The following CUX2 variants were observed in gnomAD, a reference collection of about 807,000 sequenced individuals.
CUX2 encodes the protein cut like homeobox 2, also known as homeobox protein cut-like 2.
CUX2 carries 40 observed loss-of-function variants against 144.8 expected under a neutral mutation model. That is an observed-to-expected ratio of 0.28 (90% CI 0.21 to 0.36). The LOEUF (loss-of-function observed/expected upper bound fraction) is 0.36. CUX2 is among the 10% of genes least tolerant of loss of function. The pLI, the probability that CUX2 is intolerant of heterozygous loss-of-function variation, is 1.00. For missense variants in CUX2, 1,615 were observed against 1,994.0 expected (o/e 0.81, Z 3.62); for synonymous variants, 827 against 875.6 (o/e 0.94, Z 0.98).
At chr12:111,137,450 T>C (rs1052348545) in intron 1 of CUX2, among the ~76,000 whole-genome samples, 4 of 152,220 alleles carry the variant, frequency 2.6e-5, no homozygotes, top group Admixed American at 2.6e-4. Context: ...AAGGGGAAAA[T>C]GGTAGAGCAT....
intron 1 of CUX2, among the ~76,000 whole-genome samples, chr12:111,100,529 G>C (rs1873157497): frequency 6.6e-6 from 1 of 152,110 alleles, no homozygotes; most frequent in Non-Finnish European, 1.5e-5. Flanking sequence ...GTGCGTGACT[G>C]GTGGGTCTGT....
intron 3 of CUX2, among the ~76,000 whole-genome samples, chr12:111,261,523 C>T (rs186076347): frequency 4.6e-5 from 7 of 152,120 alleles, no homozygotes; most frequent in East Asian, 3.9e-4. Flanking sequence ...GCAGTGGTTA[C>T]GCTTCCTACT....
At chr12:111,317,924 T>C (rs1343287910) in intron 16 of CUX2, among the ~76,000 whole-genome samples, 1 of 151,996 alleles carries the variant, frequency 6.6e-6, no homozygotes, top group Non-Finnish European at 1.5e-5. Context: ...TGCCTGAACC[T>C]GGGAGGCAGA....
intron 1 of CUX2, among the ~76,000 whole-genome samples, chr12:111,058,310 T>C (rs1870616381): frequency 6.6e-6 from 1 of 152,360 alleles, no homozygotes; most frequent in African/African-American, 2.4e-5. Flanking sequence ...TAAACCCAGT[T>C]GGGAATGGTC....
At chr12:111,266,682 T>C (rs1010051347) in intron 4 of CUX2, among the ~76,000 whole-genome samples, 3 of 152,196 alleles carry the variant, frequency 2.0e-5, no homozygotes, top group Admixed American at 6.6e-5. Context: ...GTTGGACTTA[T>C]GGTCCCCAGA....
At chr12:111,239,686 G>C (rs1882927317) in intron 3 of CUX2, among the ~76,000 whole-genome samples, 2 of 152,140 alleles carry the variant, frequency 1.3e-5, no homozygotes, top group Non-Finnish European at 2.9e-5. Context: ...TGTTATTTAG[G>C]GAGAGAGGGA....
At chr12:111,041,298 C>G (rs1869731809) in intron 1 of CUX2, among the ~76,000 whole-genome samples, 1 of 152,232 alleles carries the variant, frequency 6.6e-6, no homozygotes, top group Non-Finnish European at 1.5e-5. Context: ...ATCTGAGTGA[C>G]TTCCTATTGT....
At chr12:111,185,160 A>G (rs576523701) in intron 1 of CUX2, among the ~76,000 whole-genome samples, 18 of 152,382 alleles carry the variant, frequency 1.2e-4, no homozygotes, top group African/African-American at 4.3e-4. Context: ...GAATATAAGT[A>G]AAGTATCTTT....
In CUX2 at chr12:111,037,632, C is replaced by T. The variant is rs1869526949; in HGVS notation, c.63+3392C>T. On this transcript the variant is annotated intron_variant, in intron 1 of 21. Coordinates refer to ENST00000261726, the MANE Select transcript of CUX2 (RefSeq NM_015267.4). This position sits in a 1 kb window ranked among gnomAD's most constrained non-coding sequence, Gnocchi z 5.4. ...GAAACGAGAAGAAATAAAATTCCAT[C>T]CAAAGATAATGCTAGGCATATTTCA... 6.6e-6 allele frequency among the ~76,000 whole-genome samples: 1 copy of T among 152,184 alleles called. No homozygotes were observed. The highest frequency in any genetic ancestry group is 1.5e-5 in the Non-Finnish European group (1 of 68,034).
rs1879505727 is a variant in CUX2 at position 111,186,001 on chromosome 12, C to G, written c.64-28199C>G. 6.6e-6 allele frequency among the ~76,000 whole-genome samples: 1 copy of G among 151,864 alleles called. No homozygotes were observed. The highest frequency in any genetic ancestry group is 1.5e-5 in the Non-Finnish European group (1 of 67,962). ...TTTCTGTATTTCTCTGTCTTTCACTCTGTCTTCAGACTCTGTTTTCTGGTC... is the reference window on the plus strand; with the variant it reads ...TTTCTGTATTTCTCTGTCTTTCACTGTGTCTTCAGACTCTGTTTTCTGGTC... On this transcript the variant is annotated intron_variant, in intron 1 of 21. Transcript: ENST00000261726. The surrounding 1 kb of genome is among the most constrained non-coding windows in gnomAD (Gnocchi z 4.4).
chr12:111,155,747 C>T (rs1470623330), intron 1 of CUX2, among the ~76,000 whole-genome samples: 2 of 152,130 alleles, frequency 1.3e-5, no homozygotes, highest in Non-Finnish European at 2.9e-5. Flanking sequence ...GAAAGTTCAG[C>T]CTGGCAAGTG....
intron 3 of CUX2, among the ~76,000 whole-genome samples, chr12:111,262,979 C>T (rs527653882): frequency 3.3e-5 from 5 of 152,332 alleles, no homozygotes; most frequent in South Asian, 4.1e-4. Flanking sequence ...TCCATTTAAT[C>T]CCAACAGGAG....
At position 111,259,031 on chromosome 12, in the gene CUX2, C is replaced by CTGTGTGTGTGTGTG. The variant is rs57814010; in HGVS notation, c.223-4702_223-4689dup. On this transcript the variant is annotated intron_variant, in intron 3 of 21. Coordinates refer to ENST00000261726, the MANE Select transcript of CUX2 (RefSeq NM_015267.4). The stretch of plus-strand genomic sequence containing the variant: ...CACAGGTGTAGACCACCACACCCAG[C>CTGTGTGTGTGTGTG]TGTGTGTGTGTGTGTGTGTGTGTGT... Among the ~76,000 whole-genome samples the CTGTGTGTGTGTGTG allele has an allele frequency of 1.5e-3, 197 of 132,286 alleles. 2 individuals carry two copies. The highest frequency in any genetic ancestry group is 1.8e-3 in the Non-Finnish European group (112 of 61,760). 86.8% of individuals were successfully genotyped at this position (132,286 alleles called of 152,430 possible).
chr12:111,065,268 G>A (rs1340345138), intron 1 of CUX2, among the ~76,000 whole-genome samples: 1 of 152,254 alleles, frequency 6.6e-6, no homozygotes, highest in Non-Finnish European at 1.5e-5. Context: ...AAACTAATGA[G>A]TGGGGCTGGA....
intron 3 of CUX2, among the ~76,000 whole-genome samples, chr12:111,248,998 T>C (rs1056000371): frequency 6.6e-6 from 1 of 152,086 alleles, no homozygotes; most frequent in Non-Finnish European, 1.5e-5. Flanking sequence ...CACTGGAGGG[T>C]CCAAGAAAAT....
At chr12:111,150,806 G>A (rs1429734961) in intron 1 of CUX2, among the ~76,000 whole-genome samples, 2 of 152,124 alleles carry the variant, frequency 1.3e-5, no homozygotes, top group East Asian at 1.9e-4. Context: ...TTAGAAATTG[G>A]CATCTTTCAG....
chr12:111,184,702 A>G (rs1412433149), intron 1 of CUX2, among the ~76,000 whole-genome samples: 7 of 151,016 alleles, frequency 4.6e-5, no homozygotes, highest in Admixed American at 2.0e-4. Context: ...GACTGTGGTG[A>G]GCTATGACCA....
At chr12:111,124,185 G>T (rs1304178639) in intron 1 of CUX2, among the ~76,000 whole-genome samples, 1 of 152,164 alleles carries the variant, frequency 6.6e-6, no homozygotes, top group Non-Finnish European at 1.5e-5. Flanking sequence ...AAGGTTCCTT[G>T]AAAATCGATG....
chr12:111,167,089 C>T (rs1416282041), intron 1 of CUX2, among the ~76,000 whole-genome samples: 3 of 152,160 alleles, frequency 2.0e-5, no homozygotes, highest in East Asian at 3.9e-4. Flanking sequence ...ACAAGAAGCT[C>T]ACAGTCTCAG....
Sources: gnomAD v4.1 joint callset for allele counts (sites outside exome capture counted in the v4.1 genomes callset) on GRCh38, gnomAD v4.1.1 for gene constraint, Gnocchi (gnomAD v3.1) non-coding constraint, MANE v1.5 for transcripts, NCBI Gene and HGNC (gene_info 2026-07-23, HGNC 2026-07-21) for gene names.